PNMA8B: variants seen among roughly 807,000 people sequenced by gnomAD.
PNMA8B encodes paraneoplastic antigen-like protein 8B.
For missense variants in PNMA8B, 887 were observed against 885.8 expected (o/e 1.00, Z -0.02); for synonymous variants, 386 against 394.9 (o/e 0.98, Z 0.27).
At position 46,493,600 on chromosome 19, in the gene PNMA8B, C is replaced by T; in HGVS notation, c.1866G>A (p.Lys622=). 6.7e-7 allele frequency: 1 copy of T among 1,489,860 alleles called. No individual in the cohort carries two copies. Among genetic ancestry groups the T allele is most frequent in the Non-Finnish European group, 8.8e-7 (1 of 1,130,846 alleles). 92.3% of individuals were successfully genotyped at this position (1,489,860 alleles called of 1,614,324 possible). A position where few individuals can be genotyped will look rare whatever the true frequency, so the allele number is the denominator to read the frequency against. Residue 622 remains lysine (K), a synonymous_variant, in exon 1 of 1, where the codon AAG becomes AAA. Transcript: ENST00000599531. This position sits in a 1 kb window ranked among gnomAD's most constrained non-coding sequence, Gnocchi z 5.3. ...GCAGCCTCCGGCCCCGACGGGCCTT[C>T]TTCCCGCGCGCGGCCTTGGATCCAG... ...APTGSKAARG[K]KARRGRRLPP...
chr19:46,494,097 C>T lies in PNMA8B; in HGVS notation c.1369G>A (p.Ala457Thr), dbSNP rs1373914015. The T allele has an allele frequency of 1.9e-6, 3 of 1,612,624 alleles. No individual in the cohort carries two copies. The highest frequency in any genetic ancestry group is 2.5e-6 in the Non-Finnish European group (3 of 1,179,846). Residue 457 changes from alanine to threonine, a missense_variant, in exon 1 of 1, where the codon GCC (alanine) becomes ACC (threonine). Transcript: ENST00000599531. ...TTCATCACCTCCGCCATGTCCTGGG[C>T]AGCCAGGAGCGCCACCAGCTCCAGA... The part of the protein sequence containing the change: ...GLLELVALLA[A>T]QDMAEVMKEE...
At position 46,493,395 on chromosome 19, in the gene PNMA8B, C is replaced by A. The variant is rs763875646; in HGVS notation, c.*163G>T. 2.7e-4 allele frequency: 123 copies of A among 448,042 alleles called. No homozygotes were observed. The highest frequency in any genetic ancestry group is 4.2e-4 in the Non-Finnish European group (115 of 271,266). 27.8% of individuals were successfully genotyped at this position (448,042 alleles called of 1,614,324 possible). A position where few individuals can be genotyped will look rare whatever the true frequency, so the allele number is the denominator to read the frequency against. ...CTGGCGCCCCCGGCCTGCGAGGGCC[C>A]GAGAGGGGAACGTGACGCTGGCAAA... On this transcript the variant is annotated 3_prime_UTR_variant, in exon 1 of 1. Coordinates refer to ENST00000599531, the MANE Select transcript of PNMA8B (RefSeq NM_020709.3). The surrounding 1 kb of genome is among the most constrained non-coding windows in gnomAD (Gnocchi z 5.3).
In PNMA8B at chr19:46,493,675, C is replaced by A. The variant is rs1160806277; in HGVS notation, c.1791G>T (p.Ala597=). The A allele has an allele frequency of 6.5e-7, 1 of 1,531,680 alleles. No individual in the cohort carries two copies. Among genetic ancestry groups the A allele is most frequent in the Non-Finnish European group, 8.7e-7 (1 of 1,147,778 alleles). 94.9% of individuals were successfully genotyped at this position (1,531,680 alleles called of 1,614,324 possible). The part of the protein sequence containing the change: ...AAGSRKKKGS[A]GAGAHARAGE... The stretch of plus-strand genomic sequence containing the variant: ...CTGCCCTGGCATGGGCCCCGGCGCC[C>A]GCGCTCCCCTTCTTCTTCCTGCTTC... Residue 597 remains alanine, a synonymous_variant, in exon 1 of 1, where the codon GCG becomes GCT. Transcript: ENST00000599531. The surrounding 1 kb of genome is among the most constrained non-coding windows in gnomAD (Gnocchi z 5.3).
In PNMA8B at chr19:46,494,827, G is replaced by T; in HGVS notation, c.639C>A (p.Asp213Glu). The T allele has an allele frequency of 1.2e-6, 2 of 1,613,492 alleles. No homozygotes were observed. Among genetic ancestry groups the T allele is most frequent in the Non-Finnish European group, 1.7e-6 (2 of 1,179,888 alleles). Residue 213 changes from aspartate to glutamate, a missense_variant, in exon 1 of 1, where the codon GAC becomes GAA. Physicochemically the swap from Asp to Glu is conservative, Grantham distance 45. Coordinates refer to ENST00000599531, the MANE Select transcript of PNMA8B (RefSeq NM_020709.3). ...GIVIEEIDQG[D>E]LSGEEDQSAL... Reference sequence around the variant, plus strand: ...CGCTCTGGTCCTCTTCTCCGCTCAGGTCGCCCTGGTCGATCTCCTCGATCA... The same window carrying T: ...CGCTCTGGTCCTCTTCTCCGCTCAGTTCGCCCTGGTCGATCTCCTCGATCA...
rs769041797 is a variant in PNMA8B at position 46,494,334 on chromosome 19, C to T, written c.1132G>A (p.Val378Ile). 2.5e-5 allele frequency: 40 copies of T among 1,613,058 alleles called. 1 individual carries two copies. In the South Asian group the frequency reaches 4.1e-4, roughly 16 times the overall value. ...KRDPLRQVLSVMSKDTNGTRV... is the reference protein window; with the variant it reads ...KRDPLRQVLSIMSKDTNGTRV... ...GTCCCGTTAGTGTCCTTGGACATGA[C>T]GGACAAGACCTGTCGGAGGGGGTCT... is the stretch of plus-strand genomic sequence containing the variant. The change falls in exon 1 of 1, where the codon GTC becomes ATC. Residue 378 changes from valine to isoleucine, a missense_variant. Physicochemically the swap from Val to Ile is conservative, Grantham distance 29. Coordinates refer to ENST00000599531, the MANE Select transcript of PNMA8B (RefSeq NM_020709.3).
rs1402493423 is a variant in PNMA8B, at chr19:46,494,556, C to T, written c.910G>A (p.Glu304Lys). Residue 304 changes from glutamate to lysine, a missense_variant, in exon 1 of 1, where the codon GAG (glutamate) becomes AAG (lysine). By Grantham distance (56) the Glu-to-Lys change is moderately conservative. Coordinates refer to ENST00000599531, the MANE Select transcript of PNMA8B (RefSeq NM_020709.3). ...GAAGTGTCGCTGTCCACCGGCTCCTCGTCCGGGGTGTCTCTCACAGCCAGC... is the reference window on the plus strand; with the variant it reads ...GAAGTGTCGCTGTCCACCGGCTCCTTGTCCGGGGTGTCTCTCACAGCCAGC... ...ALLAVRDTPD[E>K]EPVDSDTSES... is the part of the protein sequence containing the mutation. The T allele has an allele frequency of 6.2e-7, 1 of 1,613,946 alleles. No homozygotes were observed.
chr19:46,494,945 G>A lies in PNMA8B; in HGVS notation c.521C>T (p.Thr174Ile), dbSNP rs779491773. The A allele has an allele frequency of 6.2e-7, 1 of 1,609,960 alleles. No homozygotes were observed. Among genetic ancestry groups the A allele is most frequent in the African/African-American group, 1.3e-5 (1 of 74,938 alleles). The part of the protein sequence containing the change: ...RRNRTRRNRL[T>I]QKGKKRSRGG... The stretch of plus-strand genomic sequence containing the variant: ...TCGGCTTCTCTTCTTGCCCTTCTGG[G>A]TCAACCTGTTGCGTCTGGTTCTGTT... Residue 174 changes from threonine (T) to isoleucine (I), a missense_variant, in exon 1 of 1, where the codon ACC (threonine) becomes ATC (isoleucine). Thr to Ile is a moderately conservative substitution (Grantham distance 89, BLOSUM62 -1). Coordinates refer to ENST00000599531, the MANE Select transcript of PNMA8B (RefSeq NM_020709.3).
rs768964744 is a variant in PNMA8B, at chr19:46,493,825, C to G, written c.1641G>C (p.Pro547=). The G allele has an allele frequency of 1.2e-5, 17 of 1,390,946 alleles. No individual in the cohort carries two copies. The highest frequency in any genetic ancestry group is 1.5e-5 in the African/African-American group (1 of 65,962). The allele number at this position is 1,390,946 out of a possible 1,614,324, so 86.2% of individuals were successfully genotyped here. A position where few individuals can be genotyped will look rare whatever the true frequency, so the allele number is the denominator to read the frequency against. ...CGGAAGCGGTGGGAGGCGCGCCGGC[C>G]GGAGTCAGGCCCCTGGGGGCCGTGC... is the stretch of plus-strand genomic sequence containing the variant. The part of the protein sequence containing the change: ...RARTAPRGLT[P]AGAPPTASGA... The change falls in exon 1 of 1, where the codon CCG becomes CCC. Residue 547 remains proline, a synonymous_variant. Coordinates refer to ENST00000599531, the MANE Select transcript of PNMA8B (RefSeq NM_020709.3). The surrounding 1 kb of genome is among the most constrained non-coding windows in gnomAD (Gnocchi z 5.3).
rs1970062120 is a variant in PNMA8B at position 46,494,584 on chromosome 19, G to A, written c.882C>T (p.Ala294=). 1 of 1,614,030 alleles carries A rather than the reference G, an allele frequency of 6.2e-7. No homozygotes were observed. Among genetic ancestry groups the A allele is most frequent in the Non-Finnish European group, 8.5e-7 (1 of 1,179,896 alleles). Reference sequence around the variant, plus strand: ...CCGGGGTGTCTCTCACAGCCAGCAGGGCCACTAAGTCGGGGACACCATTTT... The same window carrying A: ...CCGGGGTGTCTCTCACAGCCAGCAGAGCCACTAAGTCGGGGACACCATTTT... ...EDKNGVPDLV[A]LLAVRDTPDE... is the part of the protein sequence containing the mutation. Residue 294 remains alanine (A), a synonymous_variant, in exon 1 of 1, where the codon GCC becomes GCT. Coordinates refer to ENST00000599531, the MANE Select transcript of PNMA8B (RefSeq NM_020709.3).
chr19:46,494,780 G>T lies in PNMA8B; in HGVS notation c.686C>A (p.Ala229Asp). The T allele has an allele frequency of 6.2e-7, 1 of 1,613,702 alleles. No individual in the cohort carries two copies. Among genetic ancestry groups the T allele is most frequent in the East Asian group, 2.2e-5 (1 of 44,880 alleles). ...CTGCCTAACCAGCTCCCTGGCAGCG[G>T]CCTGCAGCGTGGCGTACAGCGCGCT... ...DQSALYATLQ[A>D]AARELVRQWA... Residue 229 changes from alanine to aspartate, a missense_variant, in exon 1 of 1, where the codon GCC (alanine) becomes GAC (aspartate). Transcript: ENST00000599531.
chr19:46,494,193 G>A lies in PNMA8B; in HGVS notation c.1273C>T (p.Pro425Ser), dbSNP rs1280852575. The change falls in exon 1 of 1, where the codon CCC (proline) becomes TCC (serine). Residue 425 changes from proline (P) to serine (S), a missense_variant. Transcript: ENST00000599531. The stretch of plus-strand genomic sequence containing the variant: ...CCACGCCCAGCCTTCTTCGCCTGGG[G>A]AGGGAGATCCGGCTGCGCCAAGGTG... Reference protein sequence around the residue: ...ISTLAQPDLPPQAKKAGRGLF... With the variant: ...ISTLAQPDLPSQAKKAGRGLF... 9 of 1,609,284 alleles carry A rather than the reference G, an allele frequency of 5.6e-6. No individual in the cohort carries two copies.
chr19:46,492,154 T>A lies in PNMA8B; in HGVS notation c.*1404A>T, dbSNP rs987048606. On this transcript the variant is annotated 3_prime_UTR_variant, in exon 1 of 1. Coordinates refer to ENST00000599531, the MANE Select transcript of PNMA8B (RefSeq NM_020709.3). ...CTGTGAGGTCACACCCAAACCCTCC[T>A]ATTCCTTCCCAGGGACAAGTGGGGC... The A allele has an allele frequency of 2.7e-5, 12 of 442,978 alleles. No homozygotes were observed. Among genetic ancestry groups the A allele is most frequent in the Non-Finnish European group, 5.0e-5 (11 of 218,888 alleles). The allele number at this position is 442,978 out of a possible 1,614,324, so 27.4% of individuals were successfully genotyped here. A position where few individuals can be genotyped will look rare whatever the true frequency, so the allele number is the denominator to read the frequency against.
chr19:46,495,084 G>C lies in PNMA8B; in HGVS notation c.382C>G (p.Pro128Ala), dbSNP rs539300965. The change falls in exon 1 of 1, where the codon CCC (proline) becomes GCC (alanine). Residue 128 changes from proline (P) to alanine (A), a missense_variant. By Grantham distance (27) the Pro-to-Ala change is conservative. Transcript: ENST00000599531. ...TGCGTCTCCGAAGCGGGAGGGGTGG[G>C]TGCCTCCCCGGGGGTCCCAGCCTCC... The part of the protein sequence containing the change: ...AAEAGTPGEA[P>A]TPPASETQAQ... The C allele has an allele frequency of 1.9e-6, 3 of 1,612,658 alleles. No individual in the cohort carries two copies. The South Asian group carries it at 3.3e-5, about 18-fold the overall frequency.
rs565032810 is a variant in PNMA8B, at chr19:46,493,441, G to A, written c.*117C>T. 231 of 654,116 alleles carry A rather than the reference G, an allele frequency of 3.5e-4. 2 individuals are homozygous for A. The East Asian group carries it at 6.5e-3, about 18-fold the overall frequency. The allele number at this position is 654,116 out of a possible 1,614,324, so 40.5% of individuals were successfully genotyped here. ...GCAAAACGCGGCCCGGGCGCGCTGT[G>A]AAGCGAGGAGATTGCGTCTGCGGAG... On this transcript the variant is annotated 3_prime_UTR_variant, in exon 1 of 1. Coordinates refer to ENST00000599531, the MANE Select transcript of PNMA8B (RefSeq NM_020709.3). The surrounding 1 kb of genome is among the most constrained non-coding windows in gnomAD (Gnocchi z 5.3).
chr19:46,494,341 G>A lies in PNMA8B; in HGVS notation c.1125C>T (p.Val375=). 3 of 1,613,210 alleles carry A rather than the reference G, an allele frequency of 1.9e-6. No homozygotes were observed. The highest frequency in any genetic ancestry group is 1.7e-6 in the Non-Finnish European group (2 of 1,179,900). ...TAGTGTCCTTGGACATGACGGACAA[G>A]ACCTGTCGGAGGGGGTCTCGCTTGT... The part of the protein sequence containing the change: ...EKDKRDPLRQ[V]LSVMSKDTNG... The change falls in exon 1 of 1, where the codon GTC becomes GTT. Residue 375 remains valine, a synonymous_variant. Transcript: ENST00000599531.
At position 46,495,482 on chromosome 19, in the gene PNMA8B, C is replaced by T. The variant is rs1367153116; in HGVS notation, c.-17G>A. ...CATGGCCATGGTGCAGCCCCCTTGG[C>T]GCTGATCTTGGGGCAGCAGGGAGCC... is the stretch of plus-strand genomic sequence containing the variant. On this transcript the variant is annotated 5_prime_UTR_variant, in exon 1 of 1. Transcript: ENST00000599531. 2 of 1,583,966 alleles carry T rather than the reference C, an allele frequency of 1.3e-6. No individual in the cohort carries two copies. The highest frequency in any genetic ancestry group is 1.7e-6 in the Non-Finnish European group (2 of 1,161,636).
At position 46,495,057 on chromosome 19, in the gene PNMA8B, C is replaced by T. The variant is rs750958683; in HGVS notation, c.409G>A (p.Ala137Thr). The change falls in exon 1 of 1, where the codon GCC (alanine) becomes ACC (threonine). Residue 137 changes from alanine to threonine, a missense_variant. Coordinates refer to ENST00000599531, the MANE Select transcript of PNMA8B (RefSeq NM_020709.3). ...CCTGTTACCTCCCCAGAATCCTGGG[C>T]CTGCGTCTCCGAAGCGGGAGGGGTG... is the stretch of plus-strand genomic sequence containing the variant. ...APTPPASETQ[A>T]QDSGEVTGQA... is the part of the protein sequence containing the mutation. The T allele has an allele frequency of 6.2e-7, 1 of 1,611,462 alleles. No homozygotes were observed. The highest frequency in any genetic ancestry group is 8.5e-7 in the Non-Finnish European group (1 of 1,179,792).
rs748907590 is a variant in PNMA8B at position 46,495,306 on chromosome 19, T to C, written c.160A>G (p.Met54Val). 2 of 1,382,928 alleles carry C rather than the reference T, an allele frequency of 1.4e-6. No homozygotes were observed. The highest frequency in any genetic ancestry group is 1.4e-5 in the African/African-American group (1 of 70,592). The allele number at this position is 1,382,928 out of a possible 1,614,324, so 85.7% of individuals were successfully genotyped here. Residue 54 changes from methionine (M) to valine (V), a missense_variant, in exon 1 of 1, where the codon ATG becomes GTG. By Grantham distance (21) the Met-to-Val change is conservative (BLOSUM62 1). Transcript: ENST00000599531. Reference protein sequence around the residue: ...LPLGTFRLRHMKALMNEKAQA... With the variant: ...LPLGTFRLRHVKALMNEKAQA... Reference sequence around the variant, plus strand: ...GCCTTCTCGTTCATCAAAGCCTTCATGTGTCGCAACCTGAACGTGCCCAGG... The same window carrying C: ...GCCTTCTCGTTCATCAAAGCCTTCACGTGTCGCAACCTGAACGTGCCCAGG...
In PNMA8B at chr19:46,492,475, A is replaced by C; in HGVS notation, c.*1083T>G. On this transcript the variant is annotated 3_prime_UTR_variant, in exon 1 of 1. Transcript: ENST00000599531. ...AGGGCTGGGGTTTCCTCCCCAGGTC[A>C]TTTCATCCCCTGTAAGGAGGGACAC... 6.0e-6 allele frequency: 1 copy of C among 166,790 alleles called. No individual in the cohort carries two copies. Among genetic ancestry groups the C allele is most frequent in the South Asian group, 1.3e-4 (1 of 7,882 alleles). 10.3% of individuals were successfully genotyped at this position (166,790 alleles called of 1,614,324 possible).
Sources: allele counts gnomAD v4.1 joint callset, GRCh38; gene constraint gnomAD v4.1.1; non-coding constraint Gnocchi (gnomAD v3.1); transcripts MANE v1.5; gene names NCBI Gene and HGNC (gene_info 2026-07-23, HGNC 2026-07-21).